The following EXOSC10 variants were observed in gnomAD, a reference collection of about 807,000 sequenced individuals.
EXOSC10 encodes the protein exosome component 10.
A neutral mutation model predicts 126.6 loss-of-function variants in EXOSC10; 94 were observed. That is an observed-to-expected ratio of 0.74 (90% CI 0.63 to 0.88). The LOEUF (loss-of-function observed/expected upper bound fraction) is 0.88, where lower values mean the gene tolerates loss of function less well. Among genes scored for constraint, EXOSC10 ranks in the 40% least tolerant of loss-of-function variants. The pLI is 0.00. For missense variants in EXOSC10, 1,041 were observed against 1,100.5 expected (o/e 0.95, Z 0.77); for synonymous variants, 395 against 400.8 (o/e 0.99, Z 0.17).
At chr1:11,075,883 A>T (rs1277305670) in intron 17 of EXOSC10, among the ~76,000 whole-genome samples, 1 of 146,078 alleles carries the variant, frequency 6.8e-6, no homozygotes, top group Non-Finnish European at 1.5e-5. Context: ...AAAAAAAAAA[A>T]TGCCGGGTGT....
chr1:11,095,018 C>G (rs1360471360), intron 3 of EXOSC10, among the ~76,000 whole-genome samples: 1 of 151,954 alleles, frequency 6.6e-6, no homozygotes, highest in Non-Finnish European at 1.5e-5. Context: ...TTGAGACCAG[C>G]TTGGCTAATA....
At chr1:11,094,314 G>C (rs1333712982) in intron 3 of EXOSC10, among the ~76,000 whole-genome samples, 1 of 145,712 alleles carries the variant, frequency 6.9e-6, no homozygotes, top group Non-Finnish European at 1.5e-5. Flanking sequence ...TTTTTTTTGA[G>C]ATGGCGTCTC....
chr1:11,099,202 C>T (rs1413737923), intron 1 of EXOSC10, among the ~76,000 whole-genome samples: 1 of 152,230 alleles, frequency 6.6e-6, no homozygotes, highest in Non-Finnish European at 1.5e-5. Flanking sequence ...CTTAAGTGAA[C>T]GCCCTGTATA....
chr1:11,076,665 CAG>C (rs35791772), intron 17 of EXOSC10, among the ~76,000 whole-genome samples, 175 bp downstream of exon 17: 8,534 of 152,260 alleles, frequency 0.056, 803 homozygotes, highest in African/African-American at 0.19. Flanking sequence ...CCACCTCCTC[CAG>C]AGTGGTCAGT....
chr1:11,075,983 T>C (rs768731157), intron 17 of EXOSC10, among the ~76,000 whole-genome samples: 17 of 144,142 alleles, frequency 1.2e-4, no homozygotes, highest in Non-Finnish European at 1.6e-4. Context: ...CTGGCCAACA[T>C]AGTGGCCCCA....
Position 11,068,043 on chromosome 1 carries a change from G to A in EXOSC10, c.2592C>T (p.Asn864=). The part of the protein sequence containing the change: ...AAKKIKQSVG[N]KSMSFPTGKS... Reference sequence around the variant, plus strand: ...TTCCAGTTGGAAAGGACATGCTTTTGTTTCCCACCGACTGTTTAATTTTTT... The same window carrying A: ...TTCCAGTTGGAAAGGACATGCTTTTATTTCCCACCGACTGTTTAATTTTTT... The change falls in exon 24 of 25, where the codon AAC becomes AAT. Residue 864 remains asparagine (N), a synonymous_variant. Transcript: ENST00000376936. The A allele has an allele frequency of 3.1e-6, 5 of 1,614,118 alleles. No individual in the cohort carries two copies. The highest frequency in any genetic ancestry group is 2.2e-5 in the South Asian group (2 of 91,082).
rs368062216 is a variant in EXOSC10 at position 11,074,413 on chromosome 1, A to ATTT, written c.1987-90_1987-88dup. ...AGCAAGAGAGCAACAGTTAACAGTG[A>ATTT]TTTTTTTTTTTTTTCTGGAGACAGA... On this transcript the variant is annotated intron_variant, in intron 17 of 24. Coordinates refer to ENST00000376936, the MANE Select transcript of EXOSC10 (RefSeq NM_001001998.3). 6.1e-3 allele frequency: 4,512 copies of ATTT among 741,198 alleles called. 11 individuals carry two copies. The highest frequency in any genetic ancestry group is 0.024 in the African/African-American group (1,270 of 54,012). The allele number at this position is 741,198 out of a possible 1,614,324, so 45.9% of individuals were successfully genotyped here. A position where few individuals can be genotyped will look rare whatever the true frequency, so the allele number is the denominator to read the frequency against.
chr1:11,074,231 C>T lies in EXOSC10; in HGVS notation c.2082G>A (p.Met694Ile). 1 of 1,612,096 alleles carries T rather than the reference C, an allele frequency of 6.2e-7. No individual in the cohort carries two copies. The change falls in exon 18 of 25, where the codon ATG becomes ATA. Residue 694 changes from methionine (M) to isoleucine (I), a missense_variant and splice_region_variant. This residue lies in a region of EXOSC10 where 388 missense variants were observed against 415.2 expected (regional missense o/e 0.93). Transcript: ENST00000376936. Reference sequence around the variant, plus strand: ...CAGCCCTGACAAAACTACTACTCACCATCCTAAATGGATTTTCAAAGGACT... The same window carrying T: ...CAGCCCTGACAAAACTACTACTCACTATCCTAAATGGATTTTCAAAGGACT... ...IMESFENPFR[M>I]FLPSLGHRAP...
Position 11,099,787 on chromosome 1 carries a change from G to A in EXOSC10, c.45C>T (p.Thr15=), listed in dbSNP as rs1021107372. ...STREPRVLSA[T]SATKSDGEMV... ...TCTCTCCGTCGGATTTGGTTGCGCT[G>A]GTCGCCGACAGGACCCTGGGCTCCC... The change falls in exon 1 of 25, where the codon ACC becomes ACT. Residue 15 remains threonine (T), a synonymous_variant. Transcript: ENST00000376936. The A allele has an allele frequency of 6.2e-6, 10 of 1,612,062 alleles. No individual in the cohort carries two copies. The highest frequency in any genetic ancestry group is 8.5e-6 in the Non-Finnish European group (10 of 1,179,046).
intron 3 of EXOSC10, among the ~76,000 whole-genome samples, chr1:11,093,588 T>G (rs1570855320): frequency 6.6e-6 from 1 of 152,198 alleles, no homozygotes; most frequent in African/African-American, 2.4e-5. Flanking sequence ...CTCTATGTAT[T>G]TCTGTGGAAA....
chr1:11,097,214 C>G (rs376968979), intron 2 of EXOSC10, among the ~76,000 whole-genome samples: 1 of 150,264 alleles, frequency 6.7e-6, no homozygotes, highest in Admixed American at 6.6e-5. Flanking sequence ...CGTACTCCCC[C>G]CCAACAAAAA....
intron 9 of EXOSC10, among the ~76,000 whole-genome samples, chr1:11,084,059 A>G (rs147323165): frequency 0.072 from 10,980 of 152,084 alleles, 617 homozygotes; most frequent in East Asian, 0.15. Flanking sequence ...CCAAGTCTTT[A>G]CTATTGTGAA....
Position 11,087,824 on chromosome 1 carries a change from A to G in EXOSC10, c.921T>C (p.Cys307=), listed in dbSNP as rs1254448369. Reference sequence around the variant, plus strand: ...CCTCCAAGTCAACTGCAAATTCCTGACAATTCAAGAGCTTTTCGTTGAGTT... The same window carrying G: ...CCTCCAAGTCAACTGCAAATTCCTGGCAATTCAAGAGCTTTTCGTTGAGTT... ...LVELNEKLLN[C]QEFAVDLEHH... is the part of the protein sequence containing the mutation. The change falls in exon 8 of 25, where the codon TGT becomes TGC. Residue 307 remains cysteine (C), a synonymous_variant. Coordinates refer to ENST00000376936, the MANE Select transcript of EXOSC10 (RefSeq NM_001001998.3). 1.2e-6 allele frequency: 2 copies of G among 1,612,856 alleles called. No homozygotes were observed. The highest frequency in any genetic ancestry group is 1.7e-4 in the Middle Eastern group (1 of 6,060).
At chr1:11,078,775 C>T (rs577471210) in intron 14 of EXOSC10, among the ~76,000 whole-genome samples, 4 of 152,122 alleles carry the variant, frequency 2.6e-5, no homozygotes, top group African/African-American at 7.2e-5. Context: ...CTGAGGTCAC[C>T]GCTCCATCTC....
At position 11,088,204 on chromosome 1, in the gene EXOSC10, T is replaced by C. The variant is rs562516912; in HGVS notation, c.759-6A>G. On this transcript the variant is annotated splice_region_variant and splice_polypyrimidine_tract_variant and intron_variant, in intron 6 of 24. Transcript: ENST00000376936. Reference sequence around the variant, plus strand: ...ATTGATAAGGATGTGCAAACCTGAGTAAATAAAACAAAAAGAGAAATCATT... The same window carrying C: ...ATTGATAAGGATGTGCAAACCTGAGCAAATAAAACAAAAAGAGAAATCATT... 25 of 1,595,310 alleles carry C rather than the reference T, an allele frequency of 1.6e-5. No individual in the cohort carries two copies. The highest frequency in any genetic ancestry group is 6.8e-5 in the South Asian group (6 of 88,300).
intron 6 of EXOSC10, among the ~76,000 whole-genome samples, chr1:11,089,287 G>A (rs1164788065): frequency 6.7e-6 from 1 of 150,370 alleles, no homozygotes; most frequent in African/African-American, 2.5e-5. Context: ...GAAAGGCAGA[G>A]CAGTATAGTA....
intron 2 of EXOSC10, among the ~76,000 whole-genome samples, chr1:11,096,471 CTTTTTT>C (rs70977546): frequency 8.4e-6 from 1 of 118,804 alleles, no homozygotes. Flanking sequence ...TTCTTTCTTT[CTTTTTT>C]TTTTTTTTTT....
At chr1:11,085,061 T>C (rs1304430854) in intron 9 of EXOSC10, among the ~76,000 whole-genome samples, 1 of 152,206 alleles carries the variant, frequency 6.6e-6, no homozygotes, top group East Asian at 1.9e-4. Context: ...TCAGGTAGTG[T>C]GATGCCTCCA....
intron 10 of EXOSC10, 32 bp from the exon 11 acceptor site, chr1:11,081,270 T>A: frequency 6.2e-7 from 1 of 1,610,630 alleles, no homozygotes; most frequent in Non-Finnish European, 8.5e-7. Context: ...TTTTACTGAT[T>A]GCCCCCAAGG....
Sources: allele counts gnomAD v4.1 joint callset (sites outside exome capture counted in the v4.1 genomes callset), GRCh38; gene constraint gnomAD v4.1.1; regional missense constraint gnomAD v4.1.1; transcripts MANE v1.5; gene names NCBI Gene and HGNC (gene_info 2026-07-23, HGNC 2026-07-21).